SYT9: variants seen among roughly 807,000 people sequenced by gnomAD.
SYT9 encodes synaptotagmin-9.
Under a neutral mutation model 48.4 loss-of-function variants are expected in SYT9, and 22 were observed. That is an observed-to-expected ratio of 0.45 (90% CI 0.32 to 0.65). The LOEUF is 0.65. Among genes scored for constraint, SYT9 ranks in the 30% least tolerant of loss-of-function variants. The pLI is 0.03. For synonymous variants in SYT9, 265 were observed against 245.0 expected, an observed-to-expected ratio of 1.08 and a Z score of -0.76; for missense variants, 577 against 622.0, an observed-to-expected ratio of 0.93 and a Z score of 0.77.
Position 7,353,507 on chromosome 11 carries a change from G to T in SYT9, c.1044+39566G>T, listed in dbSNP as rs77109995. ...ATTTCCGGTAAGTTCTACTGGTGCA[G>T]TACCACATTGACTTCTCTGCCATTC... On this transcript the variant is annotated intron_variant, in intron 3 of 6. Transcript: ENST00000318881. 6.2e-3 allele frequency among the ~76,000 whole-genome samples: 950 copies of T among 152,304 alleles called. 11 individuals are homozygous for T. The highest frequency in any genetic ancestry group is 0.022 in the African/African-American group (914 of 41,560).
At chr11:7,325,119 T>A (rs1225578849) in intron 3 of SYT9, among the ~76,000 whole-genome samples, 2 of 152,308 alleles carry the variant, frequency 1.3e-5, no homozygotes, top group Non-Finnish European at 2.9e-5. Context: ...ATTTATAAAG[T>A]TTAAAAATTT....
At chr11:7,262,595 G>A (rs888644796) in intron 1 of SYT9, among the ~76,000 whole-genome samples, 1 of 152,138 alleles carries the variant, frequency 6.6e-6, no homozygotes, top group Non-Finnish European at 1.5e-5. Flanking sequence ...CCAAGCAAGA[G>A]TGTTGACCTG....
At chr11:7,314,909 A>C (rs1468665628) in intron 3 of SYT9, among the ~76,000 whole-genome samples, 1 of 152,194 alleles carries the variant, frequency 6.6e-6, no homozygotes, top group Non-Finnish European at 1.5e-5. Context: ...TTGAGTCTGG[A>C]GCCTATTTAG....
chr11:7,333,715 A>T (rs970975128), intron 3 of SYT9, among the ~76,000 whole-genome samples: 1 of 152,228 alleles, frequency 6.6e-6, no homozygotes, highest in Admixed American at 6.5e-5. Flanking sequence ...TGGGCTGAGA[A>T]AAATCCAATT....
At chr11:7,422,770 G>C (rs867100087) in intron 6 of SYT9, among the ~76,000 whole-genome samples, 2 of 152,152 alleles carry the variant, frequency 1.3e-5, no homozygotes, top group Non-Finnish European at 2.9e-5. Flanking sequence ...CAGGGGAGTA[G>C]TCCTGGGTGG....
chr11:7,328,091 TAATAATA>T (rs1328825771), intron 3 of SYT9, among the ~76,000 whole-genome samples: 19 of 114,720 alleles, frequency 1.7e-4, no homozygotes, highest in East Asian at 1.3e-3. Flanking sequence ...ATAATAATAA[TAATAATA>T]ATTTTAAAAA....
chr11:7,385,076 C>T (rs1469216882), intron 3 of SYT9, among the ~76,000 whole-genome samples: 1 of 152,108 alleles, frequency 6.6e-6, no homozygotes. Context: ...CTTATTTCTT[C>T]CCATTGCATT....
intron 3 of SYT9, among the ~76,000 whole-genome samples, chr11:7,401,841 G>T (rs921140877): frequency 6.6e-6 from 1 of 151,022 alleles, no homozygotes; most frequent in East Asian, 1.9e-4. Flanking sequence ...ATGTTTTATT[G>T]GTTTTGCCCT....
intron 1 of SYT9, among the ~76,000 whole-genome samples, chr11:7,241,695 G>A (rs537732425): frequency 2.0e-5 from 3 of 152,248 alleles, no homozygotes; most frequent in Non-Finnish European, 2.9e-5. Flanking sequence ...CTTATAGTCT[G>A]TAGTAAATCA....
intron 6 of SYT9, among the ~76,000 whole-genome samples, chr11:7,426,365 G>C (rs1847458278): frequency 1.3e-5 from 2 of 152,140 alleles, no homozygotes; most frequent in Non-Finnish European, 2.9e-5. Context: ...TGAAGTCCCT[G>C]TGGATCCCTG....
intron 5 of SYT9, among the ~76,000 whole-genome samples, chr11:7,419,674 A>G (rs1847313719): frequency 6.6e-6 from 1 of 152,118 alleles, no homozygotes; most frequent in South Asian, 2.1e-4. Context: ...AGGCAGGTGG[A>G]TCACTTGAGG....
chr11:7,239,545 C>T (rs889903206), intron 1 of SYT9, among the ~76,000 whole-genome samples: 1 of 152,118 alleles, frequency 6.6e-6, no homozygotes, highest in Admixed American at 6.6e-5. Context: ...GGAAAAAAGT[C>T]ATACTCCCTC....
At position 7,416,120 on chromosome 11, in the gene SYT9, A is replaced by G; in HGVS notation, c.1123A>G (p.Lys375Glu). ...TGGCAGGCTGACCATTACCATTATA[A>G]AAGCAAGGAATTTAAAGGCAATGGA... ...TAGRLTITII[K>E]ARNLKAMDIT... Residue 375 changes from lysine to glutamate, a missense_variant, in exon 4 of 7, where the codon AAA (lysine) becomes GAA (glutamate). Transcript: ENST00000318881. The G allele has an allele frequency of 6.2e-7, 1 of 1,614,174 alleles. No homozygotes were observed. Among genetic ancestry groups the G allele is most frequent in the Non-Finnish European group, 8.5e-7 (1 of 1,180,016 alleles).
At chr11:7,442,507 C>T (rs4076268) in intron 6 of SYT9, among the ~76,000 whole-genome samples, 21,157 of 152,186 alleles carry the variant, frequency 0.14, 1,649 homozygotes, top group Middle Eastern at 0.18. Context: ...GACTATCTTG[C>T]TGGGAATCGG....
intron 1 of SYT9, among the ~76,000 whole-genome samples, chr11:7,265,636 C>G (rs1589896812): frequency 6.6e-6 from 1 of 150,636 alleles, no homozygotes; most frequent in Non-Finnish European, 1.5e-5. Flanking sequence ...GAAACCCAAA[C>G]TCGAAAATGT....
chr11:7,414,308 G>C (rs966157592), intron 3 of SYT9, among the ~76,000 whole-genome samples: 2 of 152,198 alleles, frequency 1.3e-5, no homozygotes, highest in African/African-American at 4.8e-5. Flanking sequence ...AGAGGAGAGA[G>C]CTAGGTGCCG....
chr11:7,295,827 A>T (rs955945011), intron 1 of SYT9, among the ~76,000 whole-genome samples: 1 of 152,130 alleles, frequency 6.6e-6, no homozygotes, highest in Non-Finnish European at 1.5e-5. Flanking sequence ...GCACTCTTGA[A>T]ATTTTCTTGA....
chr11:7,364,377 G>A (rs1354034868), intron 3 of SYT9, among the ~76,000 whole-genome samples: 1 of 152,090 alleles, frequency 6.6e-6, no homozygotes, highest in African/African-American at 2.4e-5. Context: ...TAGTAGGCCT[G>A]GTCAATCAAT....
chr11:7,432,547 CAAAAAAAAAAAAAAAAAAAA>C lies in SYT9; in HGVS notation c.1467+11929_1467+11948del, dbSNP rs67650978. Among the ~76,000 whole-genome samples, 90 of 16,884 alleles carry C rather than the reference CAAAAAAAAAAAAAAAAAAAA, an allele frequency of 5.3e-3. 3 individuals are homozygous for C. The highest frequency in any genetic ancestry group is 0.019 in the African/African-American group (88 of 4,554). The allele number at this position is 16,884 out of a possible 152,430, so 11.1% of individuals were successfully genotyped here. A position where few individuals can be genotyped will look rare whatever the true frequency, so the allele number is the denominator to read the frequency against. ...GGGCAACAAGAGTGAGACTCCATCT[CAAAAAAAAAAAAAAAAAAAA>C]AAAAAAAAAAAAAAAATATATATAC... is the stretch of plus-strand genomic sequence containing the variant. On this transcript the variant is annotated intron_variant, in intron 6 of 6. Transcript: ENST00000318881.
Sources: gnomAD v4.1 joint callset for allele counts (sites outside exome capture counted in the v4.1 genomes callset) on GRCh38, gnomAD v4.1.1 for gene constraint, MANE v1.5 for transcripts, NCBI Gene and HGNC (gene_info 2026-07-23, HGNC 2026-07-21) for gene names.